The following NELL1 variants were observed in gnomAD, a reference collection of about 807,000 sequenced individuals.
NELL1 encodes neural EGFL like 1, also known as protein kinase C-binding protein NELL1.
In NELL1, 76 loss-of-function variants were observed where a neutral mutation model predicts 107.4. The ratio of observed to expected loss-of-function variants is 0.71; its 90% CI spans 0.59 to 0.86. The LOEUF (loss-of-function observed/expected upper bound fraction) is 0.86. Among genes scored for constraint, NELL1 ranks in the 40% least tolerant of loss-of-function variants. NELL1 has a pLI of 0.00. For synonymous variants in NELL1, 353 were observed against 341.2 expected (o/e 1.03, Z -0.38); for missense variants, 1,024 against 1,005.5 (o/e 1.02, Z -0.25).
intron 3 of NELL1, among the ~76,000 whole-genome samples, chr11:20,820,668 C>G (rs1372079058): frequency 3.3e-5 from 5 of 152,120 alleles, no homozygotes; most frequent in African/African-American, 4.8e-5. Context: ...ACAGGCATGT[C>G]CAGCTTCCTC....
At chr11:21,566,280 C>G (rs1350193008) in intron 17 of NELL1, among the ~76,000 whole-genome samples, 2 of 151,640 alleles carry the variant, frequency 1.3e-5, no homozygotes, top group Admixed American at 6.6e-5. Context: ...AGTTTCAAAA[C>G]TCTATGGCAG....
chr11:21,041,760 A>G (rs960866179), intron 12 of NELL1, among the ~76,000 whole-genome samples: 20 of 152,252 alleles, frequency 1.3e-4, no homozygotes, highest in Non-Finnish European at 2.4e-4. Flanking sequence ...TCAGGTGTAT[A>G]GTGCTAATAA....
At chr11:21,524,742 G>A (rs1855808954) in intron 15 of NELL1, among the ~76,000 whole-genome samples, 2 of 152,120 alleles carry the variant, frequency 1.3e-5, no homozygotes, top group Admixed American at 1.3e-4. Flanking sequence ...AATTACTAGA[G>A]GAGCAGGATA....
chr11:21,134,137 ATTC>A (rs1448946993), intron 13 of NELL1, among the ~76,000 whole-genome samples: 1 of 152,220 alleles, frequency 6.6e-6, no homozygotes, highest in African/African-American at 2.4e-5. Flanking sequence ...GACTATTGTC[ATTC>A]TTCTTTGGCA....
chr11:20,862,605 CTTT>C (rs386373288), intron 4 of NELL1, among the ~76,000 whole-genome samples: 3 of 94,666 alleles, frequency 3.2e-5, no homozygotes, highest in South Asian at 4.7e-4. Context: ...TGAGCTGCTG[CTTT>C]TTTTTTTTTT....
chr11:21,336,397 A>C (rs911033658), intron 14 of NELL1, among the ~76,000 whole-genome samples: 5 of 152,072 alleles, frequency 3.3e-5, no homozygotes, highest in Admixed American at 1.3e-4. Context: ...TGCCCAAGAC[A>C]AAGTCAACAA....
intron 12 of NELL1, among the ~76,000 whole-genome samples, chr11:21,044,801 G>T (rs746599391): frequency 2.6e-5 from 4 of 152,138 alleles, no homozygotes; most frequent in Non-Finnish European, 5.9e-5. Flanking sequence ...TGTGAAGTGG[G>T]ATTATCAAAT....
intron 12 of NELL1, among the ~76,000 whole-genome samples, chr11:21,080,838 G>T (rs528843271): frequency 6.6e-6 from 1 of 151,462 alleles, no homozygotes; most frequent in East Asian, 1.9e-4. Flanking sequence ...TTACATCCTC[G>T]CCAACAAAGT....
At chr11:20,947,303 C>A in intron 10 of NELL1, 33 bp from the exon 11 acceptor site, 2 of 1,445,272 alleles carry the variant, frequency 1.4e-6, no homozygotes, top group Non-Finnish European at 9.7e-7. Flanking sequence ...AAAATGTGAA[C>A]ATCTTTTTCT....
At chr11:21,078,578 G>A (rs2133664366) in intron 12 of NELL1, among the ~76,000 whole-genome samples, 1 of 152,244 alleles carries the variant, frequency 6.6e-6, no homozygotes, top group Non-Finnish European at 1.5e-5. Context: ...TATTTCACAT[G>A]TGAGTCTGAA....
rs541247401 is a variant in NELL1 at position 21,137,675 on chromosome 11, T to A, written c.1426+23961T>A. ...GGATGAAGAATACTTGAAGGCTAGA[T>A]GGGAAAGCAGAATAAAGATGCTTAA... On this transcript the variant is annotated intron_variant, in intron 13 of 19. Transcript: ENST00000357134. 1.8e-3 allele frequency among the ~76,000 whole-genome samples: 273 copies of A among 152,180 alleles called. 1 individual carries two copies. The highest frequency in any genetic ancestry group is 3.0e-3 in the Non-Finnish European group (202 of 67,998).
chr11:21,202,440 T>C (rs1857290553), intron 13 of NELL1, among the ~76,000 whole-genome samples: 1 of 152,234 alleles, frequency 6.6e-6, no homozygotes, highest in East Asian at 1.9e-4. Flanking sequence ...TCTCTGATGG[T>C]AGACTGTATT....
intron 15 of NELL1, among the ~76,000 whole-genome samples, chr11:21,418,360 G>C (rs1852571350): frequency 7.9e-5 from 12 of 151,962 alleles, no homozygotes; most frequent in Admixed American, 7.9e-4. Context: ...ATATGATCTT[G>C]GTCAACTTAT....
intron 11 of NELL1, among the ~76,000 whole-genome samples, chr11:20,955,293 T>A (rs941772073): frequency 6.6e-6 from 1 of 152,290 alleles, no homozygotes; most frequent in Middle Eastern, 3.4e-3. Context: ...AGTTAACAGG[T>A]CATAAGTAGT....
chr11:21,371,351 A>G (rs1399644680), intron 15 of NELL1, among the ~76,000 whole-genome samples: 1 of 152,134 alleles, frequency 6.6e-6, no homozygotes, highest in Non-Finnish European at 1.5e-5. Context: ...CTCCTTGCGT[A>G]AAACCACATT....
At chr11:20,861,357 C>T (rs1848975328) in intron 4 of NELL1, among the ~76,000 whole-genome samples, 1 of 152,154 alleles carries the variant, frequency 6.6e-6, no homozygotes, top group Admixed American at 6.5e-5. Flanking sequence ...GCAGCGGGAA[C>T]ATATTCAGGA....
chr11:21,444,628 C>T (rs1412326604), intron 15 of NELL1, among the ~76,000 whole-genome samples: 3 of 151,858 alleles, frequency 2.0e-5, no homozygotes, highest in Non-Finnish European at 2.9e-5. Flanking sequence ...TATATACTTA[C>T]GGGGTATATG....
At chr11:20,913,830 T>A (rs1850187233) in intron 5 of NELL1, among the ~76,000 whole-genome samples, 3 of 114,446 alleles carry the variant, frequency 2.6e-5, no homozygotes, top group African/African-American at 1.0e-4. Context: ...ATTAATAGTG[T>A]AAATAAGATT....
chr11:21,029,005 C>T (rs1409562746), intron 12 of NELL1, among the ~76,000 whole-genome samples: 1 of 152,268 alleles, frequency 6.6e-6, no homozygotes, highest in East Asian at 1.9e-4. Flanking sequence ...TCACCTGAGC[C>T]AGTTACTGCT....
Sources: allele counts gnomAD v4.1 joint callset (sites outside exome capture counted in the v4.1 genomes callset), GRCh38; gene constraint gnomAD v4.1.1; transcripts MANE v1.5; gene names NCBI Gene and HGNC (gene_info 2026-07-23, HGNC 2026-07-21).